The following DTNB variants were observed in gnomAD, a reference collection of about 807,000 sequenced individuals.
The protein encoded by DTNB is dystrobrevin beta.
In DTNB, 63 loss-of-function variants were observed where a neutral mutation model predicts 90.7. The ratio of observed to expected loss-of-function variants is 0.69; its 90% CI spans 0.57 to 0.86. The LOEUF is 0.86. DTNB is among the 40% of genes least tolerant of loss of function. The probability of loss-of-function intolerance (pLI) is 0.00; values close to 1 mark genes in which losing one functional copy is unlikely to be tolerated. For synonymous variants in DTNB, 277 were observed against 286.7 expected, an observed-to-expected ratio of 0.97 and a Z score of 0.34; for missense variants, 744 against 807.1, an observed-to-expected ratio of 0.92 and a Z score of 0.95.
At chr2:25,634,509 G>C (rs1213688629) in intron 3 of DTNB, among the ~76,000 whole-genome samples, 4 of 149,514 alleles carry the variant, frequency 2.7e-5, no homozygotes, top group Non-Finnish European at 6.0e-5. Context: ...GCCCCTACTG[G>C]GAAGTGAGGA....
At chr2:25,662,861 CTTCT>C (rs1230317407) in intron 1 of DTNB, among the ~76,000 whole-genome samples, 2 of 152,050 alleles carry the variant, frequency 1.3e-5, no homozygotes, top group African/African-American at 2.4e-5. Flanking sequence ...ACAATATAGT[CTTCT>C]TTTTTTGTGC....
intron 1 of DTNB, among the ~76,000 whole-genome samples, chr2:25,662,194 A>G (rs2083324958): frequency 6.6e-6 from 1 of 152,050 alleles, no homozygotes; most frequent in South Asian, 2.1e-4. Context: ...GATGTATCTA[A>G]TTACCCAGAA....
chr2:25,472,658 T>A (rs1209524676), intron 10 of DTNB, among the ~76,000 whole-genome samples: 3 of 152,076 alleles, frequency 2.0e-5, no homozygotes, highest in African/African-American at 7.2e-5. Context: ...CCGAGGTAGG[T>A]AGATCACCTG....
At chr2:25,436,899 A>G (rs1312382155) in intron 12 of DTNB, among the ~76,000 whole-genome samples, 2 of 152,342 alleles carry the variant, frequency 1.3e-5, no homozygotes, top group East Asian at 1.9e-4. Flanking sequence ...TTTGCTTCAT[A>G]TGATGATGAA....
At chr2:25,459,974 GA>G (rs2060682260) in intron 10 of DTNB, among the ~76,000 whole-genome samples, 1 of 152,072 alleles carries the variant, frequency 6.6e-6, no homozygotes, top group African/African-American at 2.4e-5. Context: ...TTCCTCTCTA[GA>G]AAGTAAACTG....
At position 25,424,449 on chromosome 2, in the gene DTNB, C is replaced by G. The variant is rs2050829125; in HGVS notation, c.1554+3086G>C. ...CAGTGGCATGCATGGGGCTTGGGGT[C>G]AGTAGTTCTGGGGATCACTAAGACA... On this transcript the variant is annotated intron_variant, in intron 15 of 20. Coordinates refer to ENST00000406818, the MANE Select transcript of DTNB (RefSeq NM_021907.5). This position sits in a 1 kb window ranked among gnomAD's most constrained non-coding sequence, Gnocchi z 4.1. Among the ~76,000 whole-genome samples the G allele has an allele frequency of 6.6e-6, 1 of 152,098 alleles. No homozygotes were observed. Among genetic ancestry groups the G allele is most frequent in the Non-Finnish European group, 1.5e-5 (1 of 68,036 alleles).
chr2:25,530,551 C>T (rs578240775), intron 9 of DTNB, among the ~76,000 whole-genome samples: 5 of 152,138 alleles, frequency 3.3e-5, no homozygotes, highest in African/African-American at 1.2e-4. Context: ...CAAAGGACAG[C>T]GAAGTGTGGG....
rs181364408 is a variant in DTNB, at chr2:25,540,734, G to A, written c.877-9137C>T. Among the ~76,000 whole-genome samples, 312 of 152,208 alleles carry A rather than the reference G, an allele frequency of 2.0e-3. 2 individuals carry two copies. The highest frequency in any genetic ancestry group is 7.3e-3 in the African/African-American group (301 of 41,512). The stretch of plus-strand genomic sequence containing the variant: ...CTGCCTTGGGATCCTGTTGATCTAT[G>A]ACCTTACCCCCAACCCTGTGCTCTC... On this transcript the variant is annotated intron_variant, in intron 8 of 20. Transcript: ENST00000406818.
chr2:25,644,938 T>C (rs1421772750), intron 2 of DTNB, among the ~76,000 whole-genome samples: 1 of 151,992 alleles, frequency 6.6e-6, no homozygotes, highest in African/African-American at 2.4e-5. Context: ...CTGAATACTG[T>C]AAGGATGACT....
intron 10 of DTNB, among the ~76,000 whole-genome samples, chr2:25,461,081 T>A (rs983132599): frequency 6.6e-6 from 1 of 152,142 alleles, no homozygotes; most frequent in Non-Finnish European, 1.5e-5. Flanking sequence ...TTTTTGTATT[T>A]TTAGTAGAGA....
In DTNB at chr2:25,652,636, G is replaced by C. The variant is rs756626108; in HGVS notation, c.25C>G (p.Arg9Gly). The C allele has an allele frequency of 6.2e-7, 1 of 1,611,942 alleles. No individual in the cohort carries two copies. Among genetic ancestry groups the C allele is most frequent in the Admixed American group, 1.7e-5 (1 of 59,826 alleles). Residue 9 changes from arginine (R) to glycine (G), a missense_variant, in exon 2 of 21, where the codon CGG becomes GGG. Arg to Gly is a moderately radical substitution (Grantham distance 125). Transcript: ENST00000406818. MIEESGNK[R>G]KTMAEKRQLF... The stretch of plus-strand genomic sequence containing the variant: ...TGCCTCTTCTCTGCCATGGTCTTCC[G>C]CTTGTTCCCACTTTCCTCAATCATC...
chr2:25,577,005 C>T lies in DTNB; in HGVS notation c.710-1G>A. 6.2e-7 allele frequency: 1 copy of T among 1,601,040 alleles called. No individual in the cohort carries two copies. Among genetic ancestry groups the T allele is most frequent in the Non-Finnish European group, 8.5e-7 (1 of 1,173,288 alleles). ...TAGGAGCACTCCACGGGATGGAAGACTTGTGGACAGGAGAGAAAAGGGGAG... is the reference window on the plus strand; with the variant it reads ...TAGGAGCACTCCACGGGATGGAAGATTTGTGGACAGGAGAGAAAAGGGGAG... On this transcript the variant is annotated splice_acceptor_variant, in intron 7 of 20. Transcript: ENST00000406818. LOFTEE classifies it high-confidence loss of function.
intron 20 of DTNB, among the ~76,000 whole-genome samples, chr2:25,378,931 G>A (rs561135954): frequency 6.6e-6 from 1 of 152,232 alleles, no homozygotes; most frequent in African/African-American, 2.4e-5. Flanking sequence ...GAAGTGGGCA[G>A]TGGCTGTGGG....
intron 16 of DTNB, among the ~76,000 whole-genome samples, chr2:25,389,909 A>C (rs914239550): frequency 1.3e-5 from 2 of 151,970 alleles, no homozygotes; most frequent in African/African-American, 4.8e-5. Context: ...AGTTAAAAAA[A>C]ATACAGAAAA....
At chr2:25,648,730 A>T (rs1445678771) in intron 2 of DTNB, among the ~76,000 whole-genome samples, 1 of 152,182 alleles carries the variant, frequency 6.6e-6, no homozygotes, top group African/African-American at 2.4e-5. Flanking sequence ...GGCTGGCCCC[A>T]GCACTATATT....
At chr2:25,429,546 C>T (rs976755029) in intron 14 of DTNB, among the ~76,000 whole-genome samples, 4 of 152,182 alleles carry the variant, frequency 2.6e-5, no homozygotes, top group African/African-American at 9.7e-5. Context: ...ATCACTTCAG[C>T]AGGGACTGCT....
At position 25,408,508 on chromosome 2, in the gene DTNB, C is replaced by T. The variant is rs1003378045; in HGVS notation, c.1575+11007G>A. On this transcript the variant is annotated intron_variant, in intron 16 of 20. Transcript: ENST00000406818. ...GAGCCAAGATCACACCACTGCACTCCAGCCTGGACACCAGAGTGAGACTCC... is the reference window on the plus strand; with the variant it reads ...GAGCCAAGATCACACCACTGCACTCTAGCCTGGACACCAGAGTGAGACTCC... Among the ~76,000 whole-genome samples, 4 of 122,202 alleles carry T rather than the reference C, an allele frequency of 3.3e-5. 1 individual carries two copies. The highest frequency in any genetic ancestry group is 1.3e-4 in the African/African-American group (4 of 29,646). 80.2% of individuals were successfully genotyped at this position (122,202 alleles called of 152,430 possible).
intron 16 of DTNB, among the ~76,000 whole-genome samples, chr2:25,402,865 GA>G (rs1467048866): frequency 1.3e-5 from 2 of 152,194 alleles, no homozygotes; most frequent in African/African-American, 2.4e-5. Flanking sequence ...AAATTATATA[GA>G]AGACAAAGCT....
At chr2:25,616,364 A>G (rs1383990639) in intron 4 of DTNB, among the ~76,000 whole-genome samples, 1 of 152,132 alleles carries the variant, frequency 6.6e-6, no homozygotes, top group African/African-American at 2.4e-5. Flanking sequence ...AATCTTCAAA[A>G]TGTTTTTAGA....
Sources: gnomAD v4.1 joint callset for allele counts (sites outside exome capture counted in the v4.1 genomes callset) on GRCh38, gnomAD v4.1.1 for gene constraint, Gnocchi (gnomAD v3.1) non-coding constraint, MANE v1.5 for transcripts, NCBI Gene and HGNC (gene_info 2026-07-23, HGNC 2026-07-21) for gene names.